The following FLYWCH1 variants were observed in gnomAD, a reference collection of about 807,000 sequenced individuals.
FLYWCH1 encodes FLYWCH-type zinc finger-containing protein 1.
Under a neutral mutation model 66.4 loss-of-function variants are expected in FLYWCH1, and 75 were observed. The ratio of observed to expected loss-of-function variants is 1.13; its 90% CI spans 0.94 to 1.37. FLYWCH1 has a LOEUF of 1.37. Ranked by LOEUF, FLYWCH1 falls within the 40% of genes most tolerant of loss-of-function variation. FLYWCH1 has a pLI of 0.00. For synonymous variants in FLYWCH1, 595 were observed against 429.9 expected (o/e 1.38, Z -4.75); for missense variants, 1,334 against 1,001.8 (o/e 1.33, Z -4.48).
chr16:2,919,468 G>T (rs910355793), intron 2 of FLYWCH1, among the ~76,000 whole-genome samples: 3 of 151,888 alleles, frequency 2.0e-5, no homozygotes, highest in Admixed American at 2.0e-4. Context: ...GTTTCACCAT[G>T]TTTGCCAGGA....
intron 9 of FLYWCH1, among the ~76,000 whole-genome samples, chr16:2,942,735 T>TTC (rs1392378239): frequency 2.9e-5 from 4 of 139,372 alleles, no homozygotes; most frequent in African/African-American, 1.1e-4. Flanking sequence ...TTTTTTTTTT[T>TTC]TTTTTTTTTG....
At chr16:2,944,789 T>G (rs1182764479) in intron 9 of FLYWCH1, among the ~76,000 whole-genome samples, 1 of 149,698 alleles carries the variant, frequency 6.7e-6, no homozygotes, top group Non-Finnish European at 1.5e-5. Context: ...GCCACTGCCC[T>G]CCAGCCTGGG....
At chr16:2,918,324 T>G (rs1165756478) in intron 2 of FLYWCH1, among the ~76,000 whole-genome samples, 1 of 152,010 alleles carries the variant, frequency 6.6e-6, no homozygotes, top group African/African-American at 2.4e-5. Context: ...ATTTTTTGTA[T>G]TTTTAGTAGA....
At chr16:2,940,595 C>T (rs554339255) in intron 9 of FLYWCH1, among the ~76,000 whole-genome samples, 3 of 152,228 alleles carry the variant, frequency 2.0e-5, no homozygotes, top group Admixed American at 6.5e-5. Flanking sequence ...ACCACCACAC[C>T]GAGCTGATTT....
In FLYWCH1 at chr16:2,912,070, G is replaced by A. The variant is rs3743946; in HGVS notation, c.-272G>A. The A allele has an allele frequency of 0.84, 128,631 of 152,240 alleles. 54,606 individuals are homozygous for A. Among genetic ancestry groups the A allele is most frequent in the Non-Finnish European group, 0.87 (59,447 of 68,128 alleles). 9.4% of individuals were successfully genotyped at this position (152,240 alleles called of 1,614,324 possible). A position where few individuals can be genotyped will look rare whatever the true frequency, so the allele number is the denominator to read the frequency against. On this transcript the variant is annotated 5_prime_UTR_variant, in exon 1 of 10. Transcript: ENST00000253928. The stretch of plus-strand genomic sequence containing the variant: ...GGTGGCGGCGGCGGCCTGGGTCGCG[G>A]GGTCGACGCTCGCTGCTGCAGCGGC...
intron 6 of FLYWCH1, chr16:2,936,288 C>T (rs9921808): frequency 7.4e-6 from 3 of 403,564 alleles, no homozygotes; most frequent in Admixed American, 2.9e-5. Flanking sequence ...CGTGGCCTGG[C>T]GTCCCCACCT....
intron 2 of FLYWCH1, among the ~76,000 whole-genome samples, chr16:2,917,698 T>G (rs1312407374): frequency 1.3e-5 from 2 of 152,148 alleles, no homozygotes; most frequent in Non-Finnish European, 2.9e-5. Flanking sequence ...AGGTCATCTA[T>G]TCTAGTGTTT....
chr16:2,921,917 G>T (rs1268482718), intron 2 of FLYWCH1, among the ~76,000 whole-genome samples: 2 of 152,002 alleles, frequency 1.3e-5, no homozygotes, highest in East Asian at 3.9e-4. Context: ...ACAAAAATTT[G>T]CTAGGTGTGG....
At chr16:2,937,499 CGGGGCCATAAACTCCCCA>C in intron 7 of FLYWCH1, 115 bp downstream of exon 7, 1 of 1,265,478 alleles carries the variant, frequency 7.9e-7, no homozygotes, top group Non-Finnish European at 1.0e-6. Context: ...GTCTGACAGC[CGGGGCCATAAACTCCCCA>C]GGGGCAGGAG....
chr16:2,942,994 G>A (rs11076992), intron 9 of FLYWCH1, among the ~76,000 whole-genome samples: 1 of 151,628 alleles, frequency 6.6e-6, no homozygotes, highest in Non-Finnish European at 1.5e-5. Context: ...GAGCCACCAC[G>A]CCCAGCTGGC....
In FLYWCH1 at chr16:2,931,020, T is replaced by C. The variant is rs1423043846; in HGVS notation, c.796+140T>C. 38 of 741,568 alleles carry C rather than the reference T, an allele frequency of 5.1e-5. No homozygotes were observed. In the East Asian group the frequency reaches 1.1e-3, roughly 21 times the overall value. 45.9% of individuals were successfully genotyped at this position (741,568 alleles called of 1,614,324 possible). On this transcript the variant is annotated intron_variant, in intron 4 of 9. Coordinates refer to ENST00000253928, the MANE Select transcript of FLYWCH1 (RefSeq NM_001308068.2). ...CTAAAATGACTTTTAAAAATATAAA[T>C]GTGGCCGGGCACAGTGGCTCACGCC...
rs140663667 is a variant in FLYWCH1, at chr16:2,923,639, T to G, written c.-73-5974T>G. 1.4e-3 allele frequency among the ~76,000 whole-genome samples: 217 copies of G among 152,342 alleles called. 2 individuals carry two copies. Among genetic ancestry groups the G allele is most frequent in the African/African-American group, 4.8e-3 (201 of 41,578 alleles). ...GTTACAAGCCATTTATATGCACCCATCTGGGGGATGTGGTGTTTGTGTTGC... is the reference window on the plus strand; with the variant it reads ...GTTACAAGCCATTTATATGCACCCAGCTGGGGGATGTGGTGTTTGTGTTGC... On this transcript the variant is annotated intron_variant, in intron 2 of 9. Coordinates refer to ENST00000253928, the MANE Select transcript of FLYWCH1 (RefSeq NM_001308068.2).
chr16:2,942,475 C>A (rs1371089593), intron 9 of FLYWCH1, among the ~76,000 whole-genome samples: 1 of 152,084 alleles, frequency 6.6e-6, no homozygotes, highest in South Asian at 2.1e-4. Context: ...ACCAGTATCA[C>A]CCTGATATCA....
chr16:2,937,339 C>G lies in FLYWCH1; in HGVS notation c.1732C>G (p.Arg578Gly). Residue 578 changes from arginine (R) to glycine (G), a missense_variant, in exon 7 of 10, where the codon CGG becomes GGG. Physicochemically the swap from Arg to Gly is moderately radical, Grantham distance 125. Coordinates refer to ENST00000253928, the MANE Select transcript of FLYWCH1 (RefSeq NM_001308068.2). ...GGACCTGGGCGGCCTGGAGGCCCTGCGGCAGCGGGAGCACTTCCCCAACCT... is the reference window on the plus strand; with the variant it reads ...GGACCTGGGCGGCCTGGAGGCCCTGGGGCAGCGGGAGCACTTCCCCAACCT... The part of the protein sequence containing the change: ...PPDLGGLEAL[R>G]QREHFPNLAQ... 1 of 1,595,640 alleles carries G rather than the reference C, an allele frequency of 6.3e-7. No homozygotes were observed. The highest frequency in any genetic ancestry group is 8.5e-7 in the Non-Finnish European group (1 of 1,171,076).
At chr16:2,944,535 G>A (rs182112547) in intron 9 of FLYWCH1, among the ~76,000 whole-genome samples, 1 of 151,944 alleles carries the variant, frequency 6.6e-6, no homozygotes, top group East Asian at 1.9e-4. Context: ...AAAGTCAACT[G>A]TAGGCCAGCC....
At chr16:2,944,821 CA>C (rs1009357096) in intron 9 of FLYWCH1, among the ~76,000 whole-genome samples, 186 of 116,512 alleles carry the variant, frequency 1.6e-3, no homozygotes, top group Non-Finnish European at 1.8e-3. Context: ...GACTCTGTAT[CA>C]AAAAAAAAAA....
intron 2 of FLYWCH1, among the ~76,000 whole-genome samples, chr16:2,921,007 A>C (rs2150906259): frequency 6.6e-6 from 1 of 151,282 alleles, no homozygotes; most frequent in Admixed American, 6.6e-5. Context: ...ACGCCCAGTT[A>C]ATTTTTTGTG....
chr16:2,923,952 C>T (rs1272861224), intron 2 of FLYWCH1, among the ~76,000 whole-genome samples: 1 of 152,048 alleles, frequency 6.6e-6, no homozygotes, highest in Non-Finnish European at 1.5e-5. Flanking sequence ...GGCAGAATAG[C>T]TTGAAACTCA....
intron 2 of FLYWCH1, among the ~76,000 whole-genome samples, chr16:2,916,918 G>A (rs1440782584): frequency 6.6e-6 from 1 of 151,638 alleles, no homozygotes; most frequent in Non-Finnish European, 1.5e-5. Context: ...GCCGAGGGGG[G>A]TGGATCATGA....
Sources: gnomAD v4.1 joint callset for allele counts (sites outside exome capture counted in the v4.1 genomes callset) on GRCh38, gnomAD v4.1.1 for gene constraint, MANE v1.5 for transcripts, NCBI Gene and HGNC (gene_info 2026-07-23, HGNC 2026-07-21) for gene names.